The following DPP3 variants were observed in gnomAD, a reference collection of about 807,000 sequenced individuals.
DPP3 encodes the protein dipeptidyl peptidase 3, also known as DPP III.
In DPP3, 64 loss-of-function variants were observed where a neutral mutation model predicts 89.8. The observed-to-expected ratio is 0.71, with a 90% confidence interval of 0.58 to 0.88. DPP3 has a LOEUF of 0.88. Among genes scored for constraint, DPP3 ranks in the 40% least tolerant of loss-of-function variants. The probability of loss-of-function intolerance (pLI) is 0.00; values close to 1 mark genes in which losing one functional copy is unlikely to be tolerated. For missense variants in DPP3, 835 were observed against 972.5 expected, an observed-to-expected ratio of 0.86 and a Z score of 1.88; for synonymous variants, 377 against 404.3, an observed-to-expected ratio of 0.93 and a Z score of 0.81.
Position 66,509,329 on chromosome 11 carries a change from G to T in DPP3, c.*78G>T, listed in dbSNP as rs1364890417. 1.3e-6 allele frequency: 2 copies of T among 1,550,846 alleles called. No individual in the cohort carries two copies. Among genetic ancestry groups the T allele is most frequent in the Non-Finnish European group, 1.7e-6 (2 of 1,147,528 alleles). On this transcript the variant is annotated 3_prime_UTR_variant, in exon 18 of 18. Transcript: ENST00000531863. ...CCTCCATTCGTGTGTGTATTTAGGG[G>T]CTGGGGAGGGGGAGGGGCAGGAGCT... is the stretch of plus-strand genomic sequence containing the variant.
Position 66,504,614 on chromosome 11 carries a change from G to A in DPP3, c.1881G>A (p.Val627=). 6.2e-7 allele frequency: 1 copy of A among 1,608,476 alleles called. No individual in the cohort carries two copies. Among genetic ancestry groups the A allele is most frequent in the East Asian group, 2.2e-5 (1 of 44,718 alleles). ...CATTTACTCCATCCTTCTCACAGGT[G>A]CTGAAGTCCACAGGGGATGTGGCCG... is the stretch of plus-strand genomic sequence containing the variant. ...ALERFLRRLQ[V]LKSTGDVAGG... The change falls in exon 17 of 18, where the codon GTG becomes GTA. Residue 627 remains valine, a splice_region_variant and synonymous_variant. Transcript: ENST00000531863.
Position 66,504,718 on chromosome 11 carries a change from T to G in DPP3, c.1985T>G (p.Val662Gly). The change falls in exon 17 of 18, where the codon GTG (valine) becomes GGG (glycine). Residue 662 changes from valine (V) to glycine (G), a missense_variant. Transcript: ENST00000531863. ...TGCTTCCTCACCCTCAGGGACACGG[T>G]GCTGCTGCGTAAGGAATCTCGGAAG... ...PECFLTLRDT[V>G]LLRKESRKLI... The G allele has an allele frequency of 6.2e-7, 1 of 1,613,046 alleles. No individual in the cohort carries two copies. The highest frequency in any genetic ancestry group is 8.5e-7 in the Non-Finnish European group (1 of 1,179,730).
At position 66,497,458 on chromosome 11, in the gene DPP3, G is replaced by A. The variant is rs1243962957; in HGVS notation, c.1859G>A (p.Arg620His). ...TCTGTGGGCAAGCCTGCTCTAGAGC[G>A]CTTCCTGCGGAGACTTCAGGTAAGC... The part of the protein sequence containing the change: ...IRSVGKPALE[R>H]FLRRLQVLKS... The change falls in exon 16 of 18, where the codon CGC (arginine) becomes CAC (histidine). Residue 620 changes from arginine (R) to histidine (H), a missense_variant. Arg to His is a conservative substitution (Grantham distance 29, BLOSUM62 0). Coordinates refer to ENST00000531863, the MANE Select transcript of DPP3 (RefSeq NM_130443.4). 6.2e-6 allele frequency: 10 copies of A among 1,613,328 alleles called. No individual in the cohort carries two copies. Among genetic ancestry groups the A allele is most frequent in the East Asian group, 4.5e-5 (2 of 44,878 alleles).
rs1470772025 is a variant in DPP3, at chr11:66,495,273, G to A, written c.1452+5G>A. 1.2e-6 allele frequency: 2 copies of A among 1,613,404 alleles called. No individual in the cohort carries two copies. The highest frequency in any genetic ancestry group is 2.7e-5 in the African/African-American group (2 of 74,910). ...AACCCAGAGACGGGCGAGCAGGTGA[G>A]GGAGGCCTCAGCAGAGCCCCAGGGT... On this transcript the variant is annotated splice_donor_5th_base_variant and intron_variant, in intron 13 of 17. Transcript: ENST00000531863.
chr11:66,485,407 G>T (rs1161848092), intron 3 of DPP3, 145 bp downstream of exon 3: 2 of 775,296 alleles, frequency 2.6e-6, no homozygotes, highest in Non-Finnish European at 4.2e-6. Context: ...ATGACTGTGG[G>T]TGTCACCAGC....
chr11:66,484,222 C>T (rs747824469), intron 2 of DPP3, among the ~76,000 whole-genome samples: 5 of 152,078 alleles, frequency 3.3e-5, no homozygotes, highest in Non-Finnish European at 5.9e-5. Flanking sequence ...GTGATCTGCC[C>T]GCCTCGGCCT....
At chr11:66,488,773 A>G (rs961257943) in intron 6 of DPP3, among the ~76,000 whole-genome samples, 8 of 152,064 alleles carry the variant, frequency 5.3e-5, no homozygotes, top group Non-Finnish European at 1.0e-4. Context: ...CCCCTGCTTC[A>G]TCTCCACATC....
At chr11:66,495,860 A>G (rs986729906) in intron 15 of DPP3, 110 bp downstream of exon 15, 1 of 1,489,928 alleles carries the variant, frequency 6.7e-7, no homozygotes, top group South Asian at 1.3e-5. Flanking sequence ...AACTGGGTTT[A>G]ATGCTAGACT....
chr11:66,497,997 G>T (rs1418284061), intron 16 of DPP3, among the ~76,000 whole-genome samples: 1 of 151,976 alleles, frequency 6.6e-6, no homozygotes, highest in South Asian at 2.1e-4. Flanking sequence ...GTGCAATGGC[G>T]TGATCTCGGC....
intron 1 of DPP3, 124 bp downstream of exon 1, chr11:66,480,589 C>A: frequency 8.5e-7 from 1 of 1,178,716 alleles, no homozygotes; most frequent in Non-Finnish European, 1.1e-6. Context: ...CCAAATTCAC[C>A]CCGCCCTCGA....
chr11:66,498,093 C>A (rs755868663), intron 16 of DPP3, among the ~76,000 whole-genome samples: 4 of 146,856 alleles, frequency 2.7e-5, no homozygotes. Context: ...CCACCACGCC[C>A]GGCTAATTTT....
rs896737725 is a variant in DPP3, at chr11:66,509,649, C to A, written c.*398C>A. 1.2e-5 allele frequency: 6 copies of A among 491,588 alleles called. No individual in the cohort carries two copies. Among genetic ancestry groups the A allele is most frequent in the Non-Finnish European group, 1.1e-5 (3 of 263,606 alleles). 30.5% of individuals were successfully genotyped at this position (491,588 alleles called of 1,614,324 possible). On this transcript the variant is annotated 3_prime_UTR_variant, in exon 18 of 18. Coordinates refer to ENST00000531863, the MANE Select transcript of DPP3 (RefSeq NM_130443.4). ...TAACCAGACAAATAAATATTAGAGA[C>A]AACCACCATCTTTGCGGCGTGTGTG... is the stretch of plus-strand genomic sequence containing the variant.
chr11:66,507,371 G>T (rs1855827373), intron 17 of DPP3, among the ~76,000 whole-genome samples: 2 of 152,170 alleles, frequency 1.3e-5, no homozygotes, highest in Non-Finnish European at 1.5e-5. Flanking sequence ...GGAGACTGAG[G>T]CAGGAGAATG....
chr11:66,508,427 G>A (rs188512498), intron 17 of DPP3, among the ~76,000 whole-genome samples: 2 of 152,346 alleles, frequency 1.3e-5, no homozygotes, highest in Admixed American at 1.3e-4. Context: ...AGGTCCCACA[G>A]TAGACAGATG....
At chr11:66,508,415 C>T (rs1424740637) in intron 17 of DPP3, among the ~76,000 whole-genome samples, 1 of 152,162 alleles carries the variant, frequency 6.6e-6, no homozygotes, top group Non-Finnish European at 1.5e-5. Context: ...AACACTTGCC[C>T]CAGGTCCCAC....
At chr11:66,504,117 TTTTC>T (rs1855744591) in intron 16 of DPP3, among the ~76,000 whole-genome samples, 1 of 151,964 alleles carries the variant, frequency 6.6e-6, no homozygotes, top group Admixed American at 6.6e-5. Context: ...CTGTTTTCCT[TTTTC>T]TTTCTTTCTT....
rs115848034 is a variant in DPP3, at chr11:66,506,914, C to T, written c.2041+2140C>T. Reference sequence around the variant, plus strand: ...GCTACCCAGTTTCATTTTCTTCTAGCGCCCATCACGCTTGCCCATTTTCTT... The same window carrying T: ...GCTACCCAGTTTCATTTTCTTCTAGTGCCCATCACGCTTGCCCATTTTCTT... On this transcript the variant is annotated intron_variant, in intron 17 of 17. Transcript: ENST00000531863. Among the ~76,000 whole-genome samples the T allele has an allele frequency of 6.0e-3, 906 of 152,006 alleles. 7 individuals carry two copies. The highest frequency in any genetic ancestry group is 0.021 in the African/African-American group (862 of 41,448).
At chr11:66,504,569 G>T in intron 16 of DPP3, 43 bp from the exon 17 acceptor site, 1 of 1,561,418 alleles carries the variant, frequency 6.4e-7, no homozygotes, top group South Asian at 1.2e-5. Flanking sequence ...TGTGGACACC[G>T]GGTAACTGCC....
intron 17 of DPP3, among the ~76,000 whole-genome samples, 189 bp from the exon 18 acceptor site, chr11:66,508,890 T>C (rs1169650370): frequency 6.6e-6 from 1 of 152,224 alleles, no homozygotes; most frequent in Non-Finnish European, 1.5e-5. Flanking sequence ...CCCTGTAGTA[T>C]TTCCTTCCTC....
Sources: allele counts gnomAD v4.1 joint callset (sites outside exome capture counted in the v4.1 genomes callset), GRCh38; gene constraint gnomAD v4.1.1; transcripts MANE v1.5; gene names NCBI Gene and HGNC (gene_info 2026-07-23, HGNC 2026-07-21).